Variants in HMCN1 observed in about 807,000 individuals in gnomAD.
HMCN1 encodes hemicentin-1.
Under a neutral mutation model 625.9 loss-of-function variants are expected in HMCN1, and 321 were observed. That is an observed-to-expected ratio of 0.51 (90% CI 0.47 to 0.56). The LOEUF (loss-of-function observed/expected upper bound fraction) is 0.56, where lower values mean the gene tolerates loss of function less well. Ranked by LOEUF, HMCN1 falls within the 20% of genes least tolerant of loss-of-function variation. The probability of loss-of-function intolerance (pLI) is 0.00; values close to 1 mark genes in which losing one functional copy is unlikely to be tolerated. For synonymous variants in HMCN1, 2,425 were observed against 2,417.6 expected, an observed-to-expected ratio of 1.00 and a Z score of -0.09; for missense variants, 6,588 against 6,887.3, an observed-to-expected ratio of 0.96 and a Z score of 1.54.
At chr1:186,009,337 A>G (rs1653841642) in intron 30 of HMCN1, among the ~76,000 whole-genome samples, 3 of 152,170 alleles carry the variant, frequency 2.0e-5, no homozygotes, top group Admixed American at 2.0e-4. Context: ...ACCTTCTGAG[A>G]TTGTCTGAGA....
chr1:185,868,335 G>T (rs6675790), intron 4 of HMCN1, among the ~76,000 whole-genome samples: 1 of 151,970 alleles, frequency 6.6e-6, no homozygotes, highest in Non-Finnish European at 1.5e-5. Flanking sequence ...ATATTGTTTC[G>T]CTGTGTCTCC....
At chr1:185,812,047 T>A (rs1659552932) in intron 1 of HMCN1, among the ~76,000 whole-genome samples, 1 of 152,196 alleles carries the variant, frequency 6.6e-6, no homozygotes, top group South Asian at 2.1e-4. Context: ...TTTAGAGTAC[T>A]CAGCTTTAAC....
intron 104 of HMCN1, 141 bp from the exon 105 acceptor site, chr1:186,182,027 T>C: frequency 2.3e-6 from 2 of 855,704 alleles, no homozygotes; most frequent in Non-Finnish European, 3.9e-6. Context: ...AGAAAATAGC[T>C]CTGAGCATTT....
intron 6 of HMCN1, among the ~76,000 whole-genome samples, chr1:185,920,504 A>G (rs1174076550): frequency 6.6e-6 from 1 of 152,130 alleles, no homozygotes; most frequent in Non-Finnish European, 1.5e-5. Context: ...TAGTAAACCT[A>G]TATTCTTATT....
chr1:186,076,487 G>A lies in HMCN1; in HGVS notation c.8350G>A (p.Gly2784Ser), dbSNP rs1251386920. 6.2e-7 allele frequency: 1 copy of A among 1,613,562 alleles called. No individual in the cohort carries two copies. Among genetic ancestry groups the A allele is most frequent in the African/African-American group, 1.3e-5 (1 of 74,910 alleles). ...IGNMLDTGRN[G>S]EAKDVIINNP... The stretch of plus-strand genomic sequence containing the variant: ...AAACATGCTAGATACTGGCAGGAAT[G>A]GTGAAGCCAAAGATGTGATCATCAA... The change falls in exon 54 of 107, where the codon GGT becomes AGT. Residue 2784 changes from glycine to serine, a missense_variant. By Grantham distance (56) the Gly-to-Ser change is moderately conservative. This residue lies in a region of HMCN1 where 4,628 missense variants were observed against 4,853.1 expected (regional missense o/e 0.95). Transcript: ENST00000271588.
chr1:185,940,057 A>G (rs981935716), intron 11 of HMCN1, among the ~76,000 whole-genome samples: 2 of 152,216 alleles, frequency 1.3e-5, no homozygotes, highest in Admixed American at 1.3e-4. Flanking sequence ...TAGTTCTGTT[A>G]GGTATAAAAA....
intron 100 of HMCN1, among the ~76,000 whole-genome samples, chr1:186,168,855 C>A (rs1225677910): frequency 6.6e-6 from 1 of 152,052 alleles, no homozygotes; most frequent in Non-Finnish European, 1.5e-5. Flanking sequence ...CGGTGGTTTG[C>A]TGCACCCATC....
intron 1 of HMCN1, among the ~76,000 whole-genome samples, chr1:185,775,916 C>T (rs1199128318): frequency 6.6e-6 from 1 of 152,182 alleles, no homozygotes; most frequent in African/African-American, 2.4e-5. Flanking sequence ...TCAACCTCTG[C>T]TGTACCCTAT....
At chr1:185,804,199 T>G (rs1659014511) in intron 1 of HMCN1, among the ~76,000 whole-genome samples, 1 of 152,054 alleles carries the variant, frequency 6.6e-6, no homozygotes, top group Admixed American at 6.6e-5. Context: ...GTTTTCCTAG[T>G]AACACTAACA....
intron 41 of HMCN1, among the ~76,000 whole-genome samples, chr1:186,047,838 G>A (rs547876739): frequency 1.3e-5 from 2 of 152,130 alleles, no homozygotes; most frequent in East Asian, 3.9e-4. Flanking sequence ...GCTAATTCCA[G>A]CTCTATTGTT....
At chr1:185,982,748 C>T (rs891087265) in intron 18 of HMCN1, among the ~76,000 whole-genome samples, 1 of 152,000 alleles carries the variant, frequency 6.6e-6, no homozygotes, top group Admixed American at 6.6e-5. Flanking sequence ...GCCCACATTC[C>T]TAATTTTCTT....
chr1:186,014,168 T>G (rs1654193586), intron 30 of HMCN1, among the ~76,000 whole-genome samples: 1 of 152,072 alleles, frequency 6.6e-6, no homozygotes, highest in Non-Finnish European at 1.5e-5. Context: ...AAAATAGCAC[T>G]TTACCTGTAT....
At chr1:185,918,291 G>A (rs1039810696) in intron 6 of HMCN1, among the ~76,000 whole-genome samples, 8 of 152,156 alleles carry the variant, frequency 5.3e-5, no homozygotes, top group African/African-American at 1.7e-4. Flanking sequence ...TCCAAAGGCC[G>A]AAGAACCTGG....
intron 100 of HMCN1, among the ~76,000 whole-genome samples, chr1:186,170,745 A>G (rs1288181496): frequency 6.6e-6 from 1 of 152,190 alleles, no homozygotes; most frequent in Non-Finnish European, 1.5e-5. Context: ...AGTAAAGGAA[A>G]GAAGGTACAC....
At chr1:186,093,739 A>G in intron 66 of HMCN1, 70 bp downstream of exon 66, 2 of 1,594,094 alleles carry the variant, frequency 1.3e-6, no homozygotes, top group South Asian at 1.1e-5. Flanking sequence ...TCCTTCATTT[A>G]AACAGTGTTG....
intron 89 of HMCN1, among the ~76,000 whole-genome samples, chr1:186,139,057 T>C (rs1649796362): frequency 6.6e-6 from 1 of 152,136 alleles, no homozygotes; most frequent in South Asian, 2.1e-4. Context: ...TGGAGAGATA[T>C]CTTAGCTGGA....
At chr1:185,834,297 G>A (rs1306953248) in intron 1 of HMCN1, among the ~76,000 whole-genome samples, 1 of 152,148 alleles carries the variant, frequency 6.6e-6, no homozygotes, top group Non-Finnish European at 1.5e-5. Context: ...TACTGAGCTG[G>A]GTCCTCTGGC....
At chr1:186,055,359 CT>C in intron 44 of HMCN1, 33 bp from the exon 45 acceptor site, 1 of 1,604,002 alleles carries the variant, frequency 6.2e-7, no homozygotes, top group Non-Finnish European at 8.5e-7. Flanking sequence ...AACATTTCCT[CT>C]TTTGTTTCTT....
chr1:185,765,209 A>G (rs893476863), intron 1 of HMCN1, among the ~76,000 whole-genome samples: 30 of 152,326 alleles, frequency 2.0e-4, no homozygotes, highest in African/African-American at 6.7e-4. Context: ...AATAAGCCAT[A>G]GAGTAAAGAC....
Sources: allele counts gnomAD v4.1 joint callset (sites outside exome capture counted in the v4.1 genomes callset), GRCh38; gene constraint gnomAD v4.1.1; regional missense constraint gnomAD v4.1.1; transcripts MANE v1.5; gene names NCBI Gene and HGNC (gene_info 2026-07-23, HGNC 2026-07-21).